Variants in PPM1D observed in about 807,000 individuals in gnomAD.
The protein encoded by PPM1D is protein phosphatase 1D.
Under a neutral mutation model 58.3 loss-of-function variants are expected in PPM1D, and 52 were observed. The ratio of observed to expected loss-of-function variants is 0.89; its 90% CI spans 0.71 to 1.12. PPM1D has a LOEUF of 1.12. Ranked by LOEUF, PPM1D falls within the 50% of genes most tolerant of loss-of-function variation. PPM1D has a pLI of 0.00. For missense variants in PPM1D, 564 were observed against 777.2 expected, an observed-to-expected ratio of 0.73 and a Z score of 3.26; for synonymous variants, 278 against 285.1, an observed-to-expected ratio of 0.98 and a Z score of 0.25.
chr17:60,640,912 T>G (rs1240697252), intron 3 of PPM1D, among the ~76,000 whole-genome samples: 1 of 152,154 alleles, frequency 6.6e-6, no homozygotes, highest in African/African-American at 2.4e-5. Flanking sequence ...GCATCTGTGT[T>G]GCTGCAAAGG....
chr17:60,644,681 G>T (rs1339409611), intron 3 of PPM1D, among the ~76,000 whole-genome samples: 1 of 151,826 alleles, frequency 6.6e-6, no homozygotes, highest in East Asian at 1.9e-4. Context: ...TCTATCCACA[G>T]ATTCCAACAC....
At chr17:60,640,859 T>A (rs899195297) in intron 3 of PPM1D, among the ~76,000 whole-genome samples, 1 of 152,172 alleles carries the variant, frequency 6.6e-6, no homozygotes, top group East Asian at 1.9e-4. Context: ...TTTCTTTTCC[T>A]AAGTAAATTG....
rs145078406 is a variant in PPM1D at position 60,629,344 on chromosome 17, C to A, written c.702-4509C>A. Among the ~76,000 whole-genome samples the A allele has an allele frequency of 1.1e-3, 172 of 152,250 alleles. 1 individual carries two copies. Among genetic ancestry groups the A allele is most frequent in the African/African-American group, 3.9e-3 (164 of 41,546 alleles). ...CACATGAAGCTTACCTAAGCTAGAC[C>A]CTGTCGTCTTGCTTACAACTGAGCC... On this transcript the variant is annotated intron_variant, in intron 2 of 5. Transcript: ENST00000305921.
chr17:60,650,121 T>G (rs538695762), intron 4 of PPM1D, among the ~76,000 whole-genome samples: 99 of 152,314 alleles, frequency 6.5e-4, no homozygotes, highest in Non-Finnish European at 1.3e-3. Flanking sequence ...GAACAAGTCT[T>G]ATGAGACCTG....
chr17:60,639,480 C>G (rs548924108), intron 3 of PPM1D, among the ~76,000 whole-genome samples: 1 of 152,096 alleles, frequency 6.6e-6, no homozygotes. Flanking sequence ...CTCTGTCGCC[C>G]AGGCTGGAGT....
In PPM1D at chr17:60,600,255, A is replaced by G. The variant is rs913043655; in HGVS notation, c.-160A>G. ...GCGCTCCGGCCCAGCTCTCGCGGACAAGTCCAGACATCGCGCGCCCCCCCT... is the reference window on the plus strand; with the variant it reads ...GCGCTCCGGCCCAGCTCTCGCGGACGAGTCCAGACATCGCGCGCCCCCCCT... On this transcript the variant is annotated 5_prime_UTR_variant, in exon 1 of 6. Transcript: ENST00000305921. 10 of 1,354,022 alleles carry G rather than the reference A, an allele frequency of 7.4e-6. No homozygotes were observed. Among genetic ancestry groups the G allele is most frequent in the Admixed American group, 5.8e-5 (2 of 34,578 alleles). 83.9% of individuals were successfully genotyped at this position (1,354,022 alleles called of 1,614,324 possible). A position where few individuals can be genotyped will look rare whatever the true frequency, so the allele number is the denominator to read the frequency against.
chr17:60,652,675 T>A (rs1455928315), intron 4 of PPM1D, among the ~76,000 whole-genome samples: 1 of 151,750 alleles, frequency 6.6e-6, no homozygotes, highest in African/African-American at 2.4e-5. Context: ...GCATCTGTAG[T>A]TGCCTATCTT....
chr17:60,620,859 C>G (rs74515131), intron 1 of PPM1D, among the ~76,000 whole-genome samples: 1 of 152,030 alleles, frequency 6.6e-6, no homozygotes, highest in Non-Finnish European at 1.5e-5. Context: ...CCAAGACCAA[C>G]GTCGAGATTT....
At chr17:60,626,925 C>T (rs1357298235) in intron 2 of PPM1D, among the ~76,000 whole-genome samples, 1 of 151,968 alleles carries the variant, frequency 6.6e-6, no homozygotes, top group Non-Finnish European at 1.5e-5. Context: ...ATTTTCTTTT[C>T]TCTGTATTTC....
At chr17:60,656,165 G>A (rs1417781830) in intron 4 of PPM1D, among the ~76,000 whole-genome samples, 1 of 151,860 alleles carries the variant, frequency 6.6e-6, no homozygotes, top group African/African-American at 2.4e-5. Flanking sequence ...TTGAAAATTT[G>A]GGAGCTTTGG....
chr17:60,606,640 T>G (rs550857871), intron 1 of PPM1D, among the ~76,000 whole-genome samples: 4 of 152,360 alleles, frequency 2.6e-5, no homozygotes, highest in Non-Finnish European at 5.9e-5. Context: ...TACTGAGCCC[T>G]TCTTGAATTA....
chr17:60,631,667 A>G (rs1238857006), intron 2 of PPM1D, among the ~76,000 whole-genome samples: 1 of 151,874 alleles, frequency 6.6e-6, no homozygotes, highest in African/African-American at 2.4e-5. Flanking sequence ...TTCTTTGTTA[A>G]CACCCACAAT....
At chr17:60,644,844 A>G (rs2031203995) in intron 3 of PPM1D, among the ~76,000 whole-genome samples, 2 of 152,222 alleles carry the variant, frequency 1.3e-5, no homozygotes, top group African/African-American at 4.8e-5. Flanking sequence ...TTAAATAAGT[A>G]TCATTTATAA....
At chr17:60,609,292 A>T (rs2030403353) in intron 1 of PPM1D, among the ~76,000 whole-genome samples, 2 of 150,604 alleles carry the variant, frequency 1.3e-5, no homozygotes, top group East Asian at 2.0e-4. Context: ...ATGGGGTTTC[A>T]CCATGTTGGC....
intron 1 of PPM1D, among the ~76,000 whole-genome samples, chr17:60,621,391 TTG>T (rs2030698784): frequency 1.3e-5 from 2 of 151,644 alleles, no homozygotes; most frequent in African/African-American, 4.9e-5. Flanking sequence ...TTTTGTTTGT[TTG>T]TTTGTTTGTT....
At chr17:60,615,032 C>G (rs1767305863) in intron 1 of PPM1D, among the ~76,000 whole-genome samples, 1 of 152,158 alleles carries the variant, frequency 6.6e-6, no homozygotes, top group Admixed American at 6.5e-5. Flanking sequence ...GTATCCTTAC[C>G]TATAAAATAG....
At chr17:60,650,421 C>T (rs1010472925) in intron 4 of PPM1D, among the ~76,000 whole-genome samples, 1 of 152,188 alleles carries the variant, frequency 6.6e-6, no homozygotes, top group South Asian at 2.1e-4. Context: ...CGTGGTGACT[C>T]GCACCTGTAA....
At chr17:60,607,692 A>T (rs1403475722) in intron 1 of PPM1D, among the ~76,000 whole-genome samples, 1 of 152,238 alleles carries the variant, frequency 6.6e-6, no homozygotes, top group Non-Finnish European at 1.5e-5. Context: ...TTTAAAGAAG[A>T]TGGTGAATGA....
chr17:60,640,764 T>C (rs2031118148), intron 3 of PPM1D, among the ~76,000 whole-genome samples: 1 of 152,120 alleles, frequency 6.6e-6, no homozygotes, highest in South Asian at 2.1e-4. Flanking sequence ...AATGTTTAGC[T>C]CCCATTTGCA....
Sources: gnomAD v4.1 joint callset for allele counts (sites outside exome capture counted in the v4.1 genomes callset) on GRCh38, gnomAD v4.1.1 for gene constraint, MANE v1.5 for transcripts, NCBI Gene and HGNC (gene_info 2026-07-23, HGNC 2026-07-21) for gene names.